PREP: variants seen among roughly 807,000 people sequenced by gnomAD.
PREP encodes the protein prolyl endopeptidase, also known as dJ355L5.1 (prolyl endopeptidase).
PREP carries 29 observed loss-of-function variants against 87.6 expected under a neutral mutation model. That is an observed-to-expected ratio of 0.33 (90% CI 0.25 to 0.45). The LOEUF is 0.45. Among genes scored for constraint, PREP ranks in the 20% least tolerant of loss-of-function variants. The pLI is 1.00. For synonymous variants in PREP, 337 were observed against 328.6 expected (o/e 1.03, Z -0.28); for missense variants, 695 against 886.5 (o/e 0.78, Z 2.74).
chr6:105,285,630 C>T (rs1225677504), intron 11 of PREP, 50 bp from the exon 12 acceptor site: 1 of 1,456,436 alleles, frequency 6.9e-7, no homozygotes, highest in Non-Finnish European at 9.6e-7. Flanking sequence ...CTAGTGAAGA[C>T]CATGCCCTCT....
intron 2 of PREP, among the ~76,000 whole-genome samples, chr6:105,387,073 T>C (rs1773014304): frequency 6.6e-6 from 1 of 152,084 alleles, no homozygotes; most frequent in African/African-American, 2.4e-5. Context: ...ATTAGCCAGG[T>C]GTGGAGGCGG....
rs1352775743 is a variant in PREP, at chr6:105,276,524, T to C, written c.*1620A>G. 6.6e-6 allele frequency among the ~76,000 whole-genome samples: 1 copy of C among 152,242 alleles called. No individual in the cohort carries two copies. Among genetic ancestry groups the C allele is most frequent in the Non-Finnish European group, 1.5e-5 (1 of 68,044 alleles). ...GACCATGCAAATGTATTTTCTTTCT[T>C]TCCTGCCATGCTGGTCAGCAGTTAC... On this transcript the variant is annotated 3_prime_UTR_variant, in exon 15 of 15. Coordinates refer to ENST00000652536, the MANE Select transcript of PREP (RefSeq NM_002726.5).
intron 10 of PREP, chr6:105,302,690 T>TA (rs1770564793): frequency 4.0e-6 from 2 of 500,778 alleles, no homozygotes; most frequent in Admixed American, 2.3e-5. Flanking sequence ...ACACGGATCT[T>TA]AGAGAGCTTG....
intron 7 of PREP, among the ~76,000 whole-genome samples, chr6:105,340,854 T>C (rs1270008934): frequency 1.3e-5 from 2 of 152,150 alleles, no homozygotes; most frequent in South Asian, 2.1e-4. Context: ...CCTAAATATA[T>C]ATGCACCCAA....
chr6:105,354,533 T>TA (rs1217940547), intron 6 of PREP, among the ~76,000 whole-genome samples: 1 of 152,088 alleles, frequency 6.6e-6, no homozygotes, highest in African/African-American at 2.4e-5. Context: ...TTTTTTTTTT[T>TA]TTTAAGATAA....
intron 6 of PREP, among the ~76,000 whole-genome samples, chr6:105,367,350 A>C (rs1470011290): frequency 6.6e-6 from 1 of 152,208 alleles, no homozygotes; most frequent in African/African-American, 2.4e-5. Flanking sequence ...TACGTGAGAA[A>C]AACAACAATA....
chr6:105,283,694 G>A lies in PREP; in HGVS notation c.1550-1112C>T, dbSNP rs78316950. Among the ~76,000 whole-genome samples, 786 of 152,184 alleles carry A rather than the reference G, an allele frequency of 5.2e-3. 13 individuals are homozygous for A. In the East Asian group the frequency reaches 0.062, roughly 12 times the overall value. On this transcript the variant is annotated intron_variant, in intron 12 of 14. Transcript: ENST00000652536. ...GATTTACCAGTGTATCATATCCTAG[G>A]CTATAACTGGAAAAGGTCTATTTCT...
intron 8 of PREP, among the ~76,000 whole-genome samples, chr6:105,329,985 C>G (rs561403682): frequency 7.2e-5 from 11 of 152,152 alleles, no homozygotes; most frequent in African/African-American, 2.7e-4. Context: ...CCACTCCTGG[C>G]ATGAAGGCCA....
At chr6:105,394,385 AATT>A (rs1326905684) in intron 2 of PREP, among the ~76,000 whole-genome samples, 27 of 152,180 alleles carry the variant, frequency 1.8e-4, no homozygotes, top group African/African-American at 5.6e-4. Context: ...AGAAAATAAT[AATT>A]GATTGTAGAT....
chr6:105,394,298 C>A (rs559621520), intron 2 of PREP, among the ~76,000 whole-genome samples: 1 of 152,276 alleles, frequency 6.6e-6, no homozygotes, highest in South Asian at 2.1e-4. Context: ...CTAGAAAGTT[C>A]TTTCTCACTA....
chr6:105,362,259 A>G (rs892847612), intron 6 of PREP, among the ~76,000 whole-genome samples: 8 of 152,172 alleles, frequency 5.3e-5, no homozygotes, highest in African/African-American at 1.7e-4. Flanking sequence ...TGAGGAGTTC[A>G]GGACCAGCCT....
At chr6:105,293,764 G>C (rs563543357) in intron 10 of PREP, among the ~76,000 whole-genome samples, 25 of 152,282 alleles carry the variant, frequency 1.6e-4, no homozygotes, top group African/African-American at 5.3e-4. Context: ...AATGGTAATT[G>C]AGACTAAACC....
At chr6:105,363,701 A>G (rs1267508378) in intron 6 of PREP, among the ~76,000 whole-genome samples, 1 of 152,142 alleles carries the variant, frequency 6.6e-6, no homozygotes, top group Non-Finnish European at 1.5e-5. Context: ...CTTCCCCTGG[A>G]GCAAGAGGTA....
intron 7 of PREP, among the ~76,000 whole-genome samples, chr6:105,343,725 C>A (rs1480973481): frequency 6.6e-6 from 1 of 152,188 alleles, no homozygotes; most frequent in Non-Finnish European, 1.5e-5. Context: ...TGAACAGACA[C>A]TTCTCAAAAG....
chr6:105,331,233 T>G (rs1472300538), intron 8 of PREP, among the ~76,000 whole-genome samples: 2 of 152,238 alleles, frequency 1.3e-5, no homozygotes, highest in Non-Finnish European at 2.9e-5. Flanking sequence ...TGATGAGTTC[T>G]AGTGAACACT....
At chr6:105,300,466 TAAA>T (rs1770510209) in intron 10 of PREP, among the ~76,000 whole-genome samples, 1 of 152,108 alleles carries the variant, frequency 6.6e-6, no homozygotes, top group Non-Finnish European at 1.5e-5. Context: ...ATTTCACAAA[TAAA>T]AAAATGCTTG....
chr6:105,344,535 A>G (rs1410267361), intron 7 of PREP, among the ~76,000 whole-genome samples: 1 of 151,886 alleles, frequency 6.6e-6, no homozygotes, highest in African/African-American at 2.4e-5. Context: ...TTGTAGGGAC[A>G]TGGATGAAGC....
intron 8 of PREP, 113 bp from the exon 9 acceptor site, chr6:105,329,139 G>A (rs1428678526): frequency 3.1e-5 from 31 of 1,010,934 alleles, no homozygotes; most frequent in Non-Finnish European, 4.4e-5. Flanking sequence ...AATGAGACTT[G>A]CAAAGTCACT....
chr6:105,330,338 T>TA (rs1336378184), intron 8 of PREP, among the ~76,000 whole-genome samples: 2 of 152,070 alleles, frequency 1.3e-5, no homozygotes, highest in African/African-American at 2.4e-5. Context: ...AAGCGGGAGA[T>TA]AAAGTCTGGG....
Sources: gnomAD v4.1 joint callset for allele counts (sites outside exome capture counted in the v4.1 genomes callset) on GRCh38, gnomAD v4.1.1 for gene constraint, MANE v1.5 for transcripts, NCBI Gene and HGNC (gene_info 2026-07-23, HGNC 2026-07-21) for gene names.